The following ARFGEF1 variants were observed in gnomAD, a reference collection of about 807,000 sequenced individuals.
ARFGEF1 encodes the protein brefeldin A-inhibited guanine nucleotide-exchange protein 1.
Under a neutral mutation model 231.0 loss-of-function variants are expected in ARFGEF1, and 42 were observed. The observed-to-expected ratio is 0.18, with a 90% confidence interval of 0.14 to 0.24. The LOEUF is 0.24. Ranked by LOEUF, ARFGEF1 falls within the 10% of genes least tolerant of loss-of-function variation. The pLI is 1.00. For missense variants in ARFGEF1, 1,345 were observed against 2,192.0 expected (o/e 0.61, Z 7.72); for synonymous variants, 710 against 732.3 (o/e 0.97, Z 0.49).
At position 67,277,599 on chromosome 8, in the gene ARFGEF1, A is replaced by T. The variant is rs948663042; in HGVS notation, c.1028-142T>A. ...GTATTGGCACCATTTAAAGGTTAGC[A>T]TACTTACTACTAAATAAGTATGCAT... On this transcript the variant is annotated intron_variant, in intron 7 of 38. Transcript: ENST00000262215. The T allele has an allele frequency of 7.0e-6, 5 of 709,840 alleles. No individual in the cohort carries two copies. The African/African-American group carries it at 9.0e-5, about 13-fold the overall frequency. The allele number at this position is 709,840 out of a possible 1,614,324, so 44.0% of individuals were successfully genotyped here. A position where few individuals can be genotyped will look rare whatever the true frequency, so the allele number is the denominator to read the frequency against.
intron 20 of ARFGEF1, 121 bp from the exon 21 acceptor site, chr8:67,239,014 T>A (rs57931195): frequency 0.04 from 32,377 of 818,358 alleles, 1,735 homozygotes; most frequent in African/African-American, 0.21. Flanking sequence ...TTAATTTATT[T>A]ATTAATTTTT....
Position 67,343,384 on chromosome 8 carries a change from G to C in ARFGEF1, c.-97C>G. On this transcript the variant is annotated 5_prime_UTR_variant, in exon 1 of 39. Transcript: ENST00000262215. ...GAAGGAAGAGAAGAGAGAAAGGAGAGGGGGTGGAGGTGGGGGATTGGAGGC... is the reference window on the plus strand; with the variant it reads ...GAAGGAAGAGAAGAGAGAAAGGAGACGGGGTGGAGGTGGGGGATTGGAGGC... The C allele has an allele frequency of 2.6e-6, 4 of 1,518,722 alleles. No homozygotes were observed. The highest frequency in any genetic ancestry group is 3.5e-6 in the Non-Finnish European group (4 of 1,130,856). The allele number at this position is 1,518,722 out of a possible 1,614,324, so 94.1% of individuals were successfully genotyped here. A position where few individuals can be genotyped will look rare whatever the true frequency, so the allele number is the denominator to read the frequency against.
chr8:67,327,096 AAT>A (rs1359244355), intron 1 of ARFGEF1, among the ~76,000 whole-genome samples: 3 of 152,312 alleles, frequency 2.0e-5, no homozygotes, highest in African/African-American at 4.8e-5. Context: ...CTTGTAAATA[AAT>A]ATGACTATTA....
At chr8:67,338,507 A>G (rs1038590974) in intron 1 of ARFGEF1, among the ~76,000 whole-genome samples, 5 of 152,248 alleles carry the variant, frequency 3.3e-5, no homozygotes, top group Admixed American at 2.6e-4. Context: ...AACTATGTTC[A>G]TGTGCATTAT....
intron 1 of ARFGEF1, among the ~76,000 whole-genome samples, chr8:67,303,727 A>T (rs1340466115): frequency 2.6e-5 from 4 of 151,088 alleles, no homozygotes; most frequent in Non-Finnish European, 5.9e-5. Context: ...AAAAAAAAAA[A>T]AAATAATAAT....
chr8:67,265,479 G>A (rs1408987114), intron 14 of ARFGEF1, among the ~76,000 whole-genome samples: 1 of 152,130 alleles, frequency 6.6e-6, no homozygotes. Context: ...TCCAGGAGCA[G>A]GCAGGTATCA....
At chr8:67,200,161 G>A (rs1838275144) in intron 38 of ARFGEF1, 3 of 538,434 alleles carry the variant, frequency 5.6e-6, no homozygotes, top group South Asian at 1.6e-5. Context: ...CTGATCCCTC[G>A]CCTACTGAAT....
intron 19 of ARFGEF1, among the ~76,000 whole-genome samples, chr8:67,246,192 C>T (rs978810836): frequency 2.0e-5 from 3 of 150,346 alleles, no homozygotes; most frequent in Non-Finnish European, 3.0e-5. Flanking sequence ...CCTCATTTTC[C>T]ATATTGGACA....
At chr8:67,193,316 T>C (rs938989037), downstream of ARFGEF1, 29 of 540,684 alleles carry the variant, frequency 5.4e-5, no homozygotes, top group South Asian at 6.2e-4. Flanking sequence ...AGGCTGGTCT[T>C]GAACTCCTGA....
At chr8:67,320,909 T>C (rs941796496) in intron 1 of ARFGEF1, among the ~76,000 whole-genome samples, 3 of 151,918 alleles carry the variant, frequency 2.0e-5, no homozygotes, top group Admixed American at 6.6e-5. Flanking sequence ...AATAAGCAGA[T>C]CGCACCACCG....
At chr8:67,182,217 G>C (rs963883503) in intron 5 of ARFGEF1, among the ~76,000 whole-genome samples, 2 of 152,114 alleles carry the variant, frequency 1.3e-5, no homozygotes, top group Non-Finnish European at 2.9e-5. Flanking sequence ...TGCCCAGGTT[G>C]GTCGCGAACT....
chr8:67,193,653 A>T, downstream of ARFGEF1: 1 of 1,528,936 alleles, frequency 6.5e-7, no homozygotes, highest in South Asian at 1.2e-5. Flanking sequence ...TGAACTTTTA[A>T]ACTTTCTTAC....
chr8:67,223,613 C>T (rs1301350795), intron 29 of ARFGEF1, among the ~76,000 whole-genome samples: 3 of 152,172 alleles, frequency 2.0e-5, no homozygotes, highest in East Asian at 3.8e-4. Flanking sequence ...AGAACACACA[C>T]AACCTCTTTA....
intron 1 of ARFGEF1, among the ~76,000 whole-genome samples, chr8:67,313,427 G>C (rs946805237): frequency 1.3e-5 from 2 of 152,170 alleles, no homozygotes; most frequent in Non-Finnish European, 2.9e-5. Context: ...TCAGAAGAAA[G>C]GTCTAGGGCT....
downstream of ARFGEF1, chr8:67,173,735 T>TA (rs1230199867): frequency 6.6e-6 from 1 of 152,296 alleles, no homozygotes; most frequent in Non-Finnish European, 1.5e-5. Flanking sequence ...TATTATCAAT[T>TA]ACGTATACTG....
intron 5 of ARFGEF1, among the ~76,000 whole-genome samples, chr8:67,191,412 T>C (rs935594959): frequency 2.6e-5 from 4 of 152,256 alleles, no homozygotes; most frequent in African/African-American, 4.8e-5. Context: ...ATTAGCGTTA[T>C]TATATGTACA....
intron 29 of ARFGEF1, among the ~76,000 whole-genome samples, chr8:67,220,887 T>TTTTCC (rs1839129740): frequency 7.0e-6 from 1 of 143,414 alleles, no homozygotes; most frequent in African/African-American, 2.7e-5. Flanking sequence ...AAATGTCTTT[T>TTTTCC]TTTCCTTTTC....
At chr8:67,285,350 T>C (rs1563889152) in intron 7 of ARFGEF1, among the ~76,000 whole-genome samples, 1 of 151,852 alleles carries the variant, frequency 6.6e-6, no homozygotes, top group Non-Finnish European at 1.5e-5. Context: ...ACCCCATCTC[T>C]ACAAAAAAAT....
chr8:67,222,227 ATATGTATGTATGTATGTATG>A lies in ARFGEF1; in HGVS notation c.4208+2656_4209-2668del, dbSNP rs35826179. On this transcript the variant is annotated intron_variant, in intron 29 of 38. Transcript: ENST00000262215. Reference sequence around the variant, plus strand: ...TATACACACACATATATATATATGTATATGTATGTATGTATGTATGTATGTATGTATGTATGTATGTATTT... The same window carrying A: ...TATACACACACATATATATATATGTATATGTATGTATGTATGTATGTATTT... Among the ~76,000 whole-genome samples, 11 of 115,146 alleles carry A rather than the reference ATATGTATGTATGTATGTATG, an allele frequency of 9.6e-5. No homozygotes were observed. The South Asian group carries it at 1.7e-3, about 18-fold the overall frequency. 75.5% of individuals were successfully genotyped at this position (115,146 alleles called of 152,430 possible).
Sources: allele counts gnomAD v4.1 joint callset (sites outside exome capture counted in the v4.1 genomes callset), GRCh38; gene constraint gnomAD v4.1.1; transcripts MANE v1.5; gene names NCBI Gene and HGNC (gene_info 2026-07-23, HGNC 2026-07-21).